Variants in CPQ observed in about 807,000 individuals in gnomAD.
CPQ encodes carboxypeptidase Q.
Under a neutral mutation model 45.7 loss-of-function variants are expected in CPQ, and 37 were observed. The observed-to-expected ratio is 0.81, with a 90% confidence interval of 0.62 to 1.07. The LOEUF (loss-of-function observed/expected upper bound fraction) is 1.07. Among genes scored for constraint, CPQ ranks in the 50% least tolerant of loss-of-function variants. The pLI is 0.00. For missense variants in CPQ, 537 were observed against 572.9 expected (o/e 0.94, Z 0.64); for synonymous variants, 186 against 205.8 (o/e 0.90, Z 0.82).
chr8:96,705,320 A>G (rs995083204), intron 1 of CPQ, among the ~76,000 whole-genome samples: 2 of 152,294 alleles, frequency 1.3e-5, no homozygotes, highest in Admixed American at 1.3e-4. Context: ...AGTGCCTAGC[A>G]TGCTTCCAGC....
At chr8:96,813,148 G>A (rs1475296621) in intron 2 of CPQ, among the ~76,000 whole-genome samples, 3 of 152,070 alleles carry the variant, frequency 2.0e-5, no homozygotes, top group Non-Finnish European at 4.4e-5. Flanking sequence ...CTAGAACCTG[G>A]TTCCAATCTT....
chr8:97,043,322 TG>T (rs753824967), intron 6 of CPQ, among the ~76,000 whole-genome samples: 27 of 151,182 alleles, frequency 1.8e-4, no homozygotes, highest in Non-Finnish European at 3.7e-4. Flanking sequence ...TGCCTTTTTT[TG>T]TTTTCCATTT....
Position 97,019,521 on chromosome 8 carries a change from C to T in CPQ, c.962-9882C>T, listed in dbSNP as rs778245202. Among the ~76,000 whole-genome samples, 29 of 151,982 alleles carry T rather than the reference C, an allele frequency of 1.9e-4. 1 individual carries two copies. The highest frequency in any genetic ancestry group is 3.2e-4 in the Non-Finnish European group (22 of 67,990). ...AGTGCTCACATAAACTTAAGGTAAACGGATAGAAAAAGAGATTCCATGCAA... is the reference window on the plus strand; with the variant it reads ...AGTGCTCACATAAACTTAAGGTAAATGGATAGAAAAAGAGATTCCATGCAA... On this transcript the variant is annotated intron_variant, in intron 5 of 7. Transcript: ENST00000220763.
At chr8:97,038,825 CAAA>C (rs35739621) in intron 6 of CPQ, among the ~76,000 whole-genome samples, 1,894 of 91,908 alleles carry the variant, frequency 0.021, 16 homozygotes, top group Non-Finnish European at 0.021. Flanking sequence ...ACCGTATTTA[CAAA>C]AAAAAAAAAA....
At chr8:96,903,330 C>T (rs543302810) in intron 4 of CPQ, among the ~76,000 whole-genome samples, 1 of 152,318 alleles carries the variant, frequency 6.6e-6, no homozygotes, top group East Asian at 1.9e-4. Context: ...CAGCACTTCA[C>T]TGTTCAGAGA....
Position 96,673,120 on chromosome 8 carries a change from A to C in CPQ, c.-35+27718A>C, listed in dbSNP as rs150801359. On this transcript the variant is annotated intron_variant, in intron 1 of 7. Coordinates refer to ENST00000220763, the MANE Select transcript of CPQ (RefSeq NM_016134.4). The stretch of plus-strand genomic sequence containing the variant: ...GGTAGATGTTACCAGTGGAGTCTTG[A>C]CTAGGAGTCATCCAGGTTCTTGGCA... 5.8e-3 allele frequency among the ~76,000 whole-genome samples: 890 copies of C among 152,226 alleles called. 11 individuals carry two copies. The highest frequency in any genetic ancestry group is 0.02 in the African/African-American group (821 of 41,530).
intron 1 of CPQ, among the ~76,000 whole-genome samples, chr8:96,707,305 G>A (rs1375929247): frequency 6.6e-6 from 1 of 152,092 alleles, no homozygotes; most frequent in Admixed American, 6.6e-5. Flanking sequence ...CTAAGATACT[G>A]AAATTTAATT....
chr8:96,827,718 C>A (rs1181728058), intron 2 of CPQ, among the ~76,000 whole-genome samples: 2 of 151,944 alleles, frequency 1.3e-5, no homozygotes, highest in African/African-American at 4.8e-5. Flanking sequence ...TTGTGATTCC[C>A]ATTTCACAGG....
At chr8:96,729,300 G>T (rs1563481225) in intron 1 of CPQ, among the ~76,000 whole-genome samples, 1 of 152,150 alleles carries the variant, frequency 6.6e-6, no homozygotes, top group Non-Finnish European at 1.5e-5. Context: ...TTCTCCTGGA[G>T]GATGGATAAA....
At chr8:96,942,383 G>A (rs148789645) in intron 4 of CPQ, among the ~76,000 whole-genome samples, 201 of 152,270 alleles carry the variant, frequency 1.3e-3, no homozygotes, top group Non-Finnish European at 1.6e-3. Context: ...TACTTGGAGC[G>A]AAGTTTTCAG....
At chr8:96,953,822 C>A (rs1586464846) in intron 4 of CPQ, among the ~76,000 whole-genome samples, 3 of 152,226 alleles carry the variant, frequency 2.0e-5, no homozygotes, top group Admixed American at 1.3e-4. Context: ...CCGCTATCAA[C>A]TCACCCTCTC....
Position 97,065,943 on chromosome 8 carries a change from GA to G in CPQ, c.1054-65del, listed in dbSNP as rs1325643207. On this transcript the variant is annotated intron_variant, in intron 6 of 7. Coordinates refer to ENST00000220763, the MANE Select transcript of CPQ (RefSeq NM_016134.4). Reference sequence around the variant, plus strand: ...GTAAAGTATTTGGTAATTGTTGTTTGATAGTTCCCAAGGAGAAAGCACTGAA... The same window carrying G: ...GTAAAGTATTTGGTAATTGTTGTTTGTAGTTCCCAAGGAGAAAGCACTGAA... 4.0e-6 allele frequency: 6 copies of G among 1,485,826 alleles called. No homozygotes were observed. In the Admixed American group the frequency reaches 1.1e-4, roughly 27 times the overall value. 92.0% of individuals were successfully genotyped at this position (1,485,826 alleles called of 1,614,324 possible). A position where few individuals can be genotyped will look rare whatever the true frequency, so the allele number is the denominator to read the frequency against.
At chr8:96,845,728 C>A (rs764363549) in intron 3 of CPQ, among the ~76,000 whole-genome samples, 3 of 152,140 alleles carry the variant, frequency 2.0e-5, no homozygotes, top group Admixed American at 6.5e-5. Flanking sequence ...GTAAATGACT[C>A]ATTTACTCTT....
chr8:97,079,010 C>T (rs1215139031), intron 7 of CPQ, among the ~76,000 whole-genome samples: 1 of 152,040 alleles, frequency 6.6e-6, no homozygotes, highest in Non-Finnish European at 1.5e-5. Flanking sequence ...CACTATGTTG[C>T]TTAGGCTGGT....
chr8:97,060,811 C>T (rs962998293), intron 6 of CPQ, among the ~76,000 whole-genome samples: 1 of 152,044 alleles, frequency 6.6e-6, no homozygotes, highest in Non-Finnish European at 1.5e-5. Flanking sequence ...TGAGTGTGTC[C>T]CCACACATAG....
At chr8:97,099,832 C>T (rs184257157) in intron 7 of CPQ, among the ~76,000 whole-genome samples, 29 of 152,150 alleles carry the variant, frequency 1.9e-4, no homozygotes, top group Non-Finnish European at 3.8e-4. Context: ...TACAAGTTTC[C>T]CCTTAAAGAA....
chr8:97,094,291 C>G (rs1357540712), intron 7 of CPQ, among the ~76,000 whole-genome samples: 1 of 152,166 alleles, frequency 6.6e-6, no homozygotes, highest in East Asian at 1.9e-4. Flanking sequence ...TTCAGCACAG[C>G]TTTGGGAAAA....
At chr8:96,808,899 T>C in intron 2 of CPQ, among the ~76,000 whole-genome samples, 1 of 152,290 alleles carries the variant, frequency 6.6e-6, no homozygotes, top group Admixed American at 6.5e-5. Context: ...CATCCCGTAA[T>C]GTTGTGCCTG....
chr8:97,029,395 T>C lies in CPQ; in HGVS notation c.962-8T>C, dbSNP rs1177502866. ...AAGTATCACTTTTTTATTTTATTAT[T>C]TTCCCAGGGCTGCGTCCAAAGAGGA... On this transcript the variant is annotated splice_region_variant and splice_polypyrimidine_tract_variant and intron_variant, in intron 5 of 7. Transcript: ENST00000220763. 6.3e-7 allele frequency: 1 copy of C among 1,586,488 alleles called. No individual in the cohort carries two copies.
Sources: gnomAD v4.1 joint callset for allele counts (sites outside exome capture counted in the v4.1 genomes callset) on GRCh38, gnomAD v4.1.1 for gene constraint, MANE v1.5 for transcripts, NCBI Gene and HGNC (gene_info 2026-07-23, HGNC 2026-07-21) for gene names.